The following PCDH15 variants were observed in gnomAD, a reference collection of about 807,000 sequenced individuals.
PCDH15 encodes protocadherin-15.
PCDH15 carries 129 observed loss-of-function variants against 178.5 expected under a neutral mutation model. The ratio of observed to expected loss-of-function variants is 0.72; its 90% CI spans 0.63 to 0.84. The LOEUF (loss-of-function observed/expected upper bound fraction) is 0.84. Ranked by LOEUF, PCDH15 falls within the 40% of genes least tolerant of loss-of-function variation. The pLI, the probability that PCDH15 is intolerant of heterozygous loss-of-function variation, is 0.00. For missense variants in PCDH15, 2,230 were observed against 2,099.9 expected, an observed-to-expected ratio of 1.06 and a Z score of -1.21; for synonymous variants, 800 against 732.0, an observed-to-expected ratio of 1.09 and a Z score of -1.50.
At chr10:55,525,536 C>T (rs186467074) in intron 2 of PCDH15, among the ~76,000 whole-genome samples, 156 of 151,828 alleles carry the variant, frequency 1.0e-3, no homozygotes, top group African/African-American at 3.5e-3. Context: ...TGCAATATTC[C>T]TAAATTTTTA....
Position 54,179,118 on chromosome 10 carries a change from C to T in PCDH15, c.1590+4326G>A, listed in dbSNP as rs553727054. Among the ~76,000 whole-genome samples the T allele has an allele frequency of 2.6e-3, 390 of 152,182 alleles. 1 individual carries two copies. Among genetic ancestry groups the T allele is most frequent in the Middle Eastern group, 0.017 (5 of 294 alleles). ...AGGCTGCTATAAAGACACATACACACGTATGTTTATTGCGGCACTATTCAC... is the reference window on the plus strand; with the variant it reads ...AGGCTGCTATAAAGACACATACACATGTATGTTTATTGCGGCACTATTCAC... On this transcript the variant is annotated intron_variant, in intron 13 of 37. Coordinates refer to ENST00000644397, the MANE Select transcript of PCDH15 (RefSeq NM_001384140.1).
chr10:54,751,301 T>G (rs1386730707), intron 1 of PCDH15, among the ~76,000 whole-genome samples: 1 of 152,168 alleles, frequency 6.6e-6, no homozygotes, highest in African/African-American at 2.4e-5. Flanking sequence ...ATTTCACCAC[T>G]TGGTAGGAGG....
At chr10:55,366,140 G>C (rs11004830) in intron 2 of PCDH15, 85,534 of 151,904 alleles carry the variant, frequency 0.56, 24,751 homozygotes, top group African/African-American at 0.68. Context: ...AATACGGACT[G>C]CATGCATTTT....
At chr10:53,946,928 C>G (rs1372123010) in intron 23 of PCDH15, among the ~76,000 whole-genome samples, 1 of 152,032 alleles carries the variant, frequency 6.6e-6, no homozygotes, top group African/African-American at 2.4e-5. Context: ...AGGCGCCCAC[C>G]ACCACACCTG....
chr10:55,395,196 T>TGAGAGAGA lies in PCDH15; in HGVS notation c.-155-228553_-155-228546dup, dbSNP rs55765914. Among the ~76,000 whole-genome samples the TGAGAGAGA allele has an allele frequency of 7.9e-5, 10 of 126,700 alleles. No homozygotes were observed. In the East Asian group the frequency reaches 9.8e-4, roughly 12 times the overall value. 83.1% of individuals were successfully genotyped at this position (126,700 alleles called of 152,430 possible). On this transcript the variant is annotated intron_variant, in intron 2 of 5. Coordinates refer to the PCDH15 transcript ENST00000613346. ...GTGTGTGTGTGTGTGTGTGTGTGTG[T>TGAGAGAGA]GAGAGAGAGAGAGAGAGAGAGAGAG...
chr10:54,069,692 G>A (rs1386216830), intron 17 of PCDH15, among the ~76,000 whole-genome samples: 2 of 152,144 alleles, frequency 1.3e-5, no homozygotes, highest in Non-Finnish European at 2.9e-5. Flanking sequence ...TTAGTTAGGT[G>A]TAAATCATAT....
At chr10:55,569,112 C>T (rs114936365) in intron 2 of PCDH15, among the ~76,000 whole-genome samples, 3,533 of 152,130 alleles carry the variant, frequency 0.023, 132 homozygotes, top group African/African-American at 0.079. Flanking sequence ...ATCTACCGTA[C>T]TCCCATGTAA....
intron 2 of PCDH15, among the ~76,000 whole-genome samples, chr10:55,497,119 T>A (rs187306183): frequency 4.6e-5 from 7 of 151,754 alleles, no homozygotes; most frequent in Admixed American, 6.6e-5. Context: ...AATATCAGAA[T>A]ACATCATTTT....
At chr10:54,031,553 GAA>G (rs150262537) in intron 18 of PCDH15, among the ~76,000 whole-genome samples, 1 of 129,312 alleles carries the variant, frequency 7.7e-6, no homozygotes, top group African/African-American at 2.5e-5. Context: ...GGTAGAGAAG[GAA>G]AAAAAAAAGA....
rs1240465843 is a variant in PCDH15 at position 54,079,347 on chromosome 10, T to C, written c.2075A>G (p.Asp692Gly). The C allele has an allele frequency of 6.2e-7, 1 of 1,614,102 alleles. No homozygotes were observed. The highest frequency in any genetic ancestry group is 1.3e-5 in the African/African-American group (1 of 75,048). Residue 692 changes from aspartate (D) to glycine (G), a missense_variant, in exon 17 of 38, where the codon GAT becomes GGT. Physicochemically the swap from Asp to Gly is moderately conservative, Grantham distance 94. Coordinates refer to ENST00000644397, the MANE Select transcript of PCDH15 (RefSeq NM_001384140.1). ...CATACTCACCCCATCTGGCCTGCCATCTGAAGCTGTGATGATCAGAATGTA... is the reference window on the plus strand; with the variant it reads ...CATACTCACCCCATCTGGCCTGCCACCTGAAGCTGTGATGATCAGAATGTA... Reference protein sequence around the residue: ...DRYILIITASDGRPDGTSTAT... With the variant: ...DRYILIITASGGRPDGTSTAT...
chr10:55,297,718 A>G (rs1843168261), intron 1 of PCDH15, among the ~76,000 whole-genome samples: 1 of 152,124 alleles, frequency 6.6e-6, no homozygotes, highest in Non-Finnish European at 1.5e-5. Context: ...GTGTTTGCCT[A>G]AATGAAACCA....
rs1462017329 is a variant in PCDH15, at chr10:55,502,981, G to T, written c.-156+124644C>A. ...TTTCTGAAGGAGCACTTTTATGTGT[G>T]ACAAATTAAACATTAATAGCAAAAC... On this transcript the variant is annotated intron_variant, in intron 2 of 5. Transcript: ENST00000613346. Among the ~76,000 whole-genome samples the T allele has an allele frequency of 5.3e-5, 8 of 151,442 alleles. No individual in the cohort carries two copies. In the East Asian group the frequency reaches 1.4e-3, roughly 26 times the overall value.
chr10:55,367,535 C>T (rs902640346), intron 2 of PCDH15, among the ~76,000 whole-genome samples: 2 of 152,032 alleles, frequency 1.3e-5, no homozygotes, highest in African/African-American at 2.4e-5. Flanking sequence ...GAGCCATGAT[C>T]ATGCCACTGT....
chr10:54,911,533 A>G (rs924680846), intron 2 of PCDH15, among the ~76,000 whole-genome samples: 1 of 152,154 alleles, frequency 6.6e-6, no homozygotes, highest in African/African-American at 2.4e-5. Flanking sequence ...AGAAACACAC[A>G]CTCAACTTTA....
chr10:55,409,366 T>C (rs911079749), intron 2 of PCDH15, among the ~76,000 whole-genome samples: 1 of 152,182 alleles, frequency 6.6e-6, no homozygotes, highest in African/African-American at 2.4e-5. Context: ...CCTGTTTTTG[T>C]CTCTCATGTT....
chr10:53,887,845 C>T (rs903396886), intron 26 of PCDH15, among the ~76,000 whole-genome samples: 12 of 151,952 alleles, frequency 7.9e-5, no homozygotes, highest in Admixed American at 1.3e-4. Flanking sequence ...GCCAAGATCG[C>T]GCCACCGCAC....
At chr10:53,835,047 T>G (rs1470617508) in intron 29 of PCDH15, among the ~76,000 whole-genome samples, 1 of 152,220 alleles carries the variant, frequency 6.6e-6, no homozygotes, top group Non-Finnish European at 1.5e-5. Flanking sequence ...AAATCATGGT[T>G]AGATCATCAA....
intron 2 of PCDH15, among the ~76,000 whole-genome samples, chr10:54,647,874 T>C (rs1449833067): frequency 6.6e-6 from 1 of 152,026 alleles, no homozygotes; most frequent in Non-Finnish European, 1.5e-5. Context: ...TTGGGATAGG[T>C]CCTGTTTCTT....
intron 2 of PCDH15, among the ~76,000 whole-genome samples, chr10:55,520,129 ACG>A (rs1841127211): frequency 5.4e-5 from 7 of 130,216 alleles, no homozygotes; most frequent in East Asian, 2.2e-4. Flanking sequence ...ATATATATAC[ACG>A]CAATGTGTAT....
Sources: allele counts gnomAD v4.1 joint callset (sites outside exome capture counted in the v4.1 genomes callset), GRCh38; gene constraint gnomAD v4.1.1; transcripts MANE v1.5; gene names NCBI Gene and HGNC (gene_info 2026-07-23, HGNC 2026-07-21).